FAM167A: variants seen among roughly 807,000 people sequenced by gnomAD.
FAM167A encodes the protein family with sequence similarity 167 member A.
Under a neutral mutation model 14.9 loss-of-function variants are expected in FAM167A, and 23 were observed. The ratio of observed to expected loss-of-function variants is 1.55; its 90% CI spans 1.11 to 2.19. The LOEUF is 2.19. Ranked by LOEUF, FAM167A falls within the 30% of genes most tolerant of loss-of-function variation. The probability of loss-of-function intolerance (pLI) is 0.00; values close to 1 mark genes in which losing one functional copy is unlikely to be tolerated. For synonymous variants in FAM167A, 174 were observed against 117.7 expected (o/e 1.48, Z -3.10); for missense variants, 401 against 281.5 (o/e 1.42, Z -3.04).
intron 1 of FAM167A, among the ~76,000 whole-genome samples, chr8:11,453,883 TG>T (rs755986091): frequency 4.9e-4 from 75 of 152,254 alleles, no homozygotes; most frequent in Admixed American, 7.2e-4. Flanking sequence ...CAAACCGAGG[TG>T]GCAGCCTATG....
chr8:11,457,542 G>A lies in FAM167A; in HGVS notation c.-398+9084C>T, dbSNP rs111525314. ...GTCTGTGTGTCCCACCCTTGAGGAT[G>A]CCAGCTCCTAGCAGGCAGGGGCTTC... On this transcript the variant is annotated intron_variant, in intron 1 of 2. Coordinates refer to ENST00000284486, the MANE Select transcript of FAM167A (RefSeq NM_053279.3). 9.5e-3 allele frequency among the ~76,000 whole-genome samples: 1,450 copies of A among 152,196 alleles called. 8 individuals are homozygous for A. Among genetic ancestry groups the A allele is most frequent in the Non-Finnish European group, 0.014 (982 of 67,988 alleles).
At chr8:11,463,110 T>C (rs948861908) in intron 1 of FAM167A, among the ~76,000 whole-genome samples, 1 of 152,198 alleles carries the variant, frequency 6.6e-6, no homozygotes, top group Non-Finnish European at 1.5e-5. Context: ...CAAAAATGTG[T>C]ACGTCTGGCA....
Position 11,444,332 on chromosome 8 carries a change from A to C in FAM167A, c.80T>G (p.Leu27Arg). 1 of 1,610,642 alleles carries C rather than the reference A, an allele frequency of 6.2e-7. No homozygotes were observed. Among genetic ancestry groups the C allele is most frequent in the Non-Finnish European group, 8.5e-7 (1 of 1,178,684 alleles). Residue 27 changes from leucine to arginine, a missense_variant, in exon 2 of 3, where the codon CTC becomes CGC. Coordinates refer to ENST00000284486, the MANE Select transcript of FAM167A (RefSeq NM_053279.3). Reference sequence around the variant, plus strand: ...CTCGGTGAGGGCCTTCAGGCTCCGGAGGTGGTCATCGGGTGGTGCGGCTGC... The same window carrying C: ...CTCGGTGAGGGCCTTCAGGCTCCGGCGGTGGTCATCGGGTGGTGCGGCTGC... ...AGAAAPPDDH[L>R]RSLKALTEKL...
At chr8:11,430,091 C>T (rs918403660) in intron 2 of FAM167A, among the ~76,000 whole-genome samples, 5 of 152,214 alleles carry the variant, frequency 3.3e-5, no homozygotes, top group African/African-American at 1.2e-4. Flanking sequence ...GGGTTTCATG[C>T]TGTCTCTGGC....
chr8:11,444,101 G>T lies in FAM167A; in HGVS notation c.311C>A (p.Pro104His). The change falls in exon 2 of 3, where the codon CCC becomes CAC. Residue 104 changes from proline (P) to histidine (H), a missense_variant. By Grantham distance (77) the Pro-to-His change is moderately conservative (BLOSUM62 -2). Coordinates refer to ENST00000284486, the MANE Select transcript of FAM167A (RefSeq NM_053279.3). ...SARSASQGAR[P>H]LSTGKLEGFQ... Reference sequence around the variant, plus strand: ...GCCTTCCAGCTTGCCAGTGGACAGGGGTCTGGCACCTTGGCTGGCACTCCT... The same window carrying T: ...GCCTTCCAGCTTGCCAGTGGACAGGTGTCTGGCACCTTGGCTGGCACTCCT... 1 of 1,613,554 alleles carries T rather than the reference G, an allele frequency of 6.2e-7. No individual in the cohort carries two copies. The highest frequency in any genetic ancestry group is 8.5e-7 in the Non-Finnish European group (1 of 1,180,026).
At chr8:11,424,748 C>G in intron 2 of FAM167A, 112 bp from the exon 3 acceptor site, 1 of 1,425,490 alleles carries the variant, frequency 7.0e-7, no homozygotes, top group Non-Finnish European at 9.4e-7. Context: ...AGTGGTCCAT[C>G]TAGAAATATT....
At chr8:11,459,461 T>C (rs955125343) in intron 1 of FAM167A, among the ~76,000 whole-genome samples, 1 of 152,198 alleles carries the variant, frequency 6.6e-6, no homozygotes, top group Non-Finnish European at 1.5e-5. Context: ...CAATGCTTTG[T>C]TTTTCTGTAA....
intron 2 of FAM167A, among the ~76,000 whole-genome samples, chr8:11,431,041 G>A (rs971289740): frequency 1.3e-5 from 2 of 152,114 alleles, no homozygotes; most frequent in African/African-American, 2.4e-5. Context: ...CATATGACAT[G>A]GCAATGCCAC....
At chr8:11,456,222 AGTG>A (rs1563387200) in intron 1 of FAM167A, among the ~76,000 whole-genome samples, 4 of 1,986 alleles carry the variant, frequency 2.0e-3, no homozygotes, top group Non-Finnish European at 7.8e-4. Flanking sequence ...TGTGAGTGTG[AGTG>A]AGTGTGGGGG....
chr8:11,431,079 G>A (rs1480947828), intron 2 of FAM167A, among the ~76,000 whole-genome samples: 3 of 152,162 alleles, frequency 2.0e-5, no homozygotes, highest in African/African-American at 7.2e-5. Flanking sequence ...AACAAATGAA[G>A]GCAAAAGCTA....
intron 2 of FAM167A, among the ~76,000 whole-genome samples, chr8:11,431,469 G>C (rs780720126): frequency 6.6e-6 from 1 of 152,200 alleles, no homozygotes; most frequent in Non-Finnish European, 1.5e-5. Flanking sequence ...TGGTGGTGAC[G>C]GCTGCACAGC....
rs552593188 is a variant in FAM167A at position 11,423,291 on chromosome 8, A to G, written c.*1082T>C. On this transcript the variant is annotated 3_prime_UTR_variant, in exon 3 of 3. Coordinates refer to ENST00000284486, the MANE Select transcript of FAM167A (RefSeq NM_053279.3). The stretch of plus-strand genomic sequence containing the variant: ...TCCTCAAGCCTGTTGGGAGGGAGAA[A>G]CTCTTAAAATCAAATCCTACGCACT... 6.6e-6 allele frequency: 1 copy of G among 152,378 alleles called. No homozygotes were observed. The highest frequency in any genetic ancestry group is 2.4e-5 in the African/African-American group (1 of 41,410). 9.4% of individuals were successfully genotyped at this position (152,378 alleles called of 1,614,324 possible).
intron 1 of FAM167A, among the ~76,000 whole-genome samples, chr8:11,453,881 G>C (rs546749343): frequency 6.6e-6 from 1 of 152,178 alleles, no homozygotes; most frequent in African/African-American, 2.4e-5. Context: ...AGCAAACCGA[G>C]GTGGCAGCCT....
At chr8:11,432,606 A>C (rs1194385908) in intron 2 of FAM167A, among the ~76,000 whole-genome samples, 1 of 152,200 alleles carries the variant, frequency 6.6e-6, no homozygotes, top group East Asian at 1.9e-4. Context: ...GAATGCTTTT[A>C]CACTGTTGGG....
At chr8:11,467,284 A>G (rs1053603082), upstream of FAM167A, among the ~76,000 whole-genome samples, 3 of 152,256 alleles carry the variant, frequency 2.0e-5, no homozygotes, top group African/African-American at 7.2e-5. Context: ...CACTAACCAC[A>G]GGGTGTCTGT....
chr8:11,465,384 C>A (rs530108749), intron 1 of FAM167A, among the ~76,000 whole-genome samples: 1 of 152,292 alleles, frequency 6.6e-6, no homozygotes, highest in Admixed American at 6.5e-5. Flanking sequence ...CACACCAGGT[C>A]ACTCAATTTC....
chr8:11,475,781 C>G (rs914849088), intron 1 of FAM167A, among the ~76,000 whole-genome samples: 1 of 152,196 alleles, frequency 6.6e-6, no homozygotes, highest in Non-Finnish European at 1.5e-5. Context: ...CTTTCCCCTG[C>G]TCTATGTCCC....
Position 11,424,323 on chromosome 8 carries a change from C to T in FAM167A, c.*50G>A, listed in dbSNP as rs1444737367. 1.9e-6 allele frequency: 3 copies of T among 1,604,678 alleles called. No homozygotes were observed. The highest frequency in any genetic ancestry group is 2.6e-6 in the Non-Finnish European group (3 of 1,173,436). Reference sequence around the variant, plus strand: ...TTGGCCTCAGCTTCCTCTGACACCCCTCCAGCCCAAGCCCTCCGCTCCAGC... The same window carrying T: ...TTGGCCTCAGCTTCCTCTGACACCCTTCCAGCCCAAGCCCTCCGCTCCAGC... On this transcript the variant is annotated 3_prime_UTR_variant, in exon 3 of 3. Transcript: ENST00000284486.
intron 1 of FAM167A, among the ~76,000 whole-genome samples, chr8:11,460,519 T>C (rs536153338): frequency 3.1e-4 from 47 of 152,236 alleles, no homozygotes; most frequent in Non-Finnish European, 5.1e-4. Flanking sequence ...CCCTGGGGAC[T>C]GTCTCCCAGC....
Sources: gnomAD v4.1 joint callset for allele counts (sites outside exome capture counted in the v4.1 genomes callset) on GRCh38, gnomAD v4.1.1 for gene constraint, MANE v1.5 for transcripts, NCBI Gene and HGNC (gene_info 2026-07-23, HGNC 2026-07-21) for gene names.